The following SLMAP variants were observed in gnomAD, a reference collection of about 807,000 sequenced individuals.
SLMAP encodes the protein sarcolemma associated protein.
A neutral mutation model predicts 128.8 loss-of-function variants in SLMAP; 44 were observed. That is an observed-to-expected ratio of 0.34 (90% CI 0.27 to 0.44). The LOEUF is 0.44. Ranked by LOEUF, SLMAP falls within the 20% of genes least tolerant of loss-of-function variation. SLMAP has a pLI of 1.00. For synonymous variants in SLMAP, 327 were observed against 348.8 expected (o/e 0.94, Z 0.70); for missense variants, 787 against 985.3 (o/e 0.80, Z 2.69).
At chr3:57,789,714 C>G (rs1420607263) in intron 2 of SLMAP, among the ~76,000 whole-genome samples, 7 of 152,130 alleles carry the variant, frequency 4.6e-5, no homozygotes, top group Non-Finnish European at 7.4e-5. Flanking sequence ...CTCTGTAATT[C>G]AACACAAATT....
In SLMAP at chr3:57,889,865, T is replaced by C. The variant is rs2096011161; in HGVS notation, c.1301-176T>C. 8.1e-6 allele frequency: 4 copies of C among 492,102 alleles called. 1 individual carries two copies. The South Asian group carries it at 1.8e-4, about 22-fold the overall frequency. The allele number at this position is 492,102 out of a possible 1,614,324, so 30.5% of individuals were successfully genotyped here. A position where few individuals can be genotyped will look rare whatever the true frequency, so the allele number is the denominator to read the frequency against. On this transcript the variant is annotated intron_variant, in intron 14 of 24. Coordinates refer to ENST00000671191, the MANE Select transcript of SLMAP (RefSeq NM_001377540.1). ...TAGTTTTCTGCATTAACGTGATTGC[T>C]CCGTCATAGTTCCAGTTCTCTTAGT...
intron 17 of SLMAP, chr3:57,897,256 A>C: frequency 2.0e-6 from 1 of 494,694 alleles, no homozygotes; most frequent in Non-Finnish European, 3.1e-6. Context: ...ATAAGGTGAA[A>C]ATCTTAACTT....
chr3:57,776,834 T>C (rs2153453767), intron 2 of SLMAP, among the ~76,000 whole-genome samples: 1 of 152,178 alleles, frequency 6.6e-6, no homozygotes, highest in South Asian at 2.1e-4. Context: ...CTGATTTGTT[T>C]ATTCTCTTAA....
Position 57,929,466 on chromosome 3 carries a change from G to A in SLMAP, c.*2177G>A, listed in dbSNP as rs1576546649. Among the ~76,000 whole-genome samples, 1 of 152,098 alleles carries A rather than the reference G, an allele frequency of 6.6e-6. No individual in the cohort carries two copies. The highest frequency in any genetic ancestry group is 2.1e-4 in the South Asian group (1 of 4,820). Reference sequence around the variant, plus strand: ...TTACTTCATTCAAGTGGAATAAATGGCTTTTTGTAGTTACTTCCAGTTTTC... The same window carrying A: ...TTACTTCATTCAAGTGGAATAAATGACTTTTTGTAGTTACTTCCAGTTTTC... On this transcript the variant is annotated 3_prime_UTR_variant, in exon 25 of 25. Transcript: ENST00000671191.
chr3:57,779,997 T>C (rs2082689916), intron 2 of SLMAP, among the ~76,000 whole-genome samples: 1 of 151,972 alleles, frequency 6.6e-6, no homozygotes, highest in Non-Finnish European at 1.5e-5. Context: ...TTTAACTTAA[T>C]TAAAATTTTA....
chr3:57,814,092 C>CT (rs35586426), intron 2 of SLMAP, among the ~76,000 whole-genome samples: 311 of 141,928 alleles, frequency 2.2e-3, no homozygotes, highest in Non-Finnish European at 1.8e-3. Context: ...GAGCATTATT[C>CT]TTTTTTTTTT....
intron 2 of SLMAP, among the ~76,000 whole-genome samples, chr3:57,780,461 T>A (rs2082810685): frequency 6.6e-6 from 1 of 152,192 alleles, no homozygotes; most frequent in South Asian, 2.1e-4. Context: ...CTATTAATTT[T>A]CTATAACATA....
chr3:57,867,638 A>G (rs2095342798), intron 13 of SLMAP, among the ~76,000 whole-genome samples: 1 of 152,188 alleles, frequency 6.6e-6, no homozygotes, highest in South Asian at 2.1e-4. Context: ...TTGGAATAAG[A>G]TGCGTCACTT....
At chr3:57,843,719 TC>T in intron 4 of SLMAP, among the ~76,000 whole-genome samples, 2 of 151,292 alleles carry the variant, frequency 1.3e-5, no homozygotes, top group Non-Finnish European at 1.5e-5. Context: ...TTTCTTTCTT[TC>T]TTTTTCTTTC....
At chr3:57,839,770 G>A (rs1416507006) in intron 3 of SLMAP, among the ~76,000 whole-genome samples, 1 of 152,124 alleles carries the variant, frequency 6.6e-6, no homozygotes, top group East Asian at 1.9e-4. Context: ...TGTTGAGCAG[G>A]CTGGTCTTGA....
intron 14 of SLMAP, among the ~76,000 whole-genome samples, chr3:57,882,916 T>C (rs1263935120): frequency 1.3e-5 from 2 of 152,246 alleles, no homozygotes; most frequent in Non-Finnish European, 2.9e-5. Flanking sequence ...ACTATTTTAT[T>C]ATCTGCTGTG....
intron 22 of SLMAP, among the ~76,000 whole-genome samples, chr3:57,920,366 T>C (rs2096894919): frequency 6.6e-6 from 1 of 152,204 alleles, no homozygotes; most frequent in Non-Finnish European, 1.5e-5. Flanking sequence ...TTTACCTCCC[T>C]CTCTGTACCT....
At chr3:57,762,458 A>C (rs1180889936) in intron 2 of SLMAP, among the ~76,000 whole-genome samples, 2 of 152,166 alleles carry the variant, frequency 1.3e-5, no homozygotes, top group Non-Finnish European at 2.9e-5. Context: ...ATATCTGCAA[A>C]ATGTAGGCAG....
chr3:57,821,684 C>T (rs2092532648), intron 2 of SLMAP, among the ~76,000 whole-genome samples: 2 of 152,186 alleles, frequency 1.3e-5, no homozygotes, highest in Non-Finnish European at 2.9e-5. Flanking sequence ...TGCAGTTCAT[C>T]CTACACACAG....
intron 6 of SLMAP, among the ~76,000 whole-genome samples, chr3:57,855,622 A>T (rs2094730025): frequency 6.8e-6 from 1 of 147,996 alleles, no homozygotes; most frequent in Non-Finnish European, 1.5e-5. Context: ...CATGCCTGAA[A>T]TCCCAGCACT....
Position 57,857,730 on chromosome 3 carries a change from T to C in SLMAP, c.520-3T>C, listed in dbSNP as rs2094863312. The C allele has an allele frequency of 6.3e-7, 1 of 1,595,452 alleles. No individual in the cohort carries two copies. Among genetic ancestry groups the C allele is most frequent in the Non-Finnish European group, 8.6e-7 (1 of 1,163,186 alleles). The stretch of plus-strand genomic sequence containing the variant: ...GAATCTGTTTTGTGATTTGTAATAC[T>C]AGGAGGCCTTACATCGGGAACAAAT... On this transcript the variant is annotated splice_polypyrimidine_tract_variant and splice_region_variant and intron_variant, in intron 6 of 24. Coordinates refer to ENST00000671191, the MANE Select transcript of SLMAP (RefSeq NM_001377540.1).
rs186449222 is a variant in SLMAP at position 57,872,337 on chromosome 3, G to C, written c.1300+639G>C. Among the ~76,000 whole-genome samples, 1,011 of 152,192 alleles carry C rather than the reference G, an allele frequency of 6.6e-3. 14 individuals carry two copies. The highest frequency in any genetic ancestry group is 0.023 in the African/African-American group (953 of 41,528). ...TATATTTTAAAGATGGATTGGCTTG[G>C]CTGGGCACAGTGGCTCACACCTGTA... On this transcript the variant is annotated intron_variant, in intron 14 of 24. Transcript: ENST00000671191.
At chr3:57,918,151 G>A (rs2096849590) in intron 22 of SLMAP, 1 of 152,150 alleles carries the variant, frequency 6.6e-6, no homozygotes, top group South Asian at 2.1e-4. Flanking sequence ...ATGTGTTTTA[G>A]AAGAAATCTC....
intron 4 of SLMAP, among the ~76,000 whole-genome samples, chr3:57,846,034 G>T (rs1356473230): frequency 1.3e-5 from 2 of 152,128 alleles, no homozygotes; most frequent in African/African-American, 4.8e-5. Flanking sequence ...TAGAGATGAC[G>T]TTTCACTGTG....
Sources: gnomAD v4.1 joint callset for allele counts (sites outside exome capture counted in the v4.1 genomes callset) on GRCh38, gnomAD v4.1.1 for gene constraint, MANE v1.5 for transcripts, NCBI Gene and HGNC (gene_info 2026-07-23, HGNC 2026-07-21) for gene names.